The following ZFYVE19 variants were observed in gnomAD, a reference collection of about 807,000 sequenced individuals.
ZFYVE19 encodes abscission/NoCut checkpoint regulator.
Under a neutral mutation model 62.8 loss-of-function variants are expected in ZFYVE19, and 49 were observed. The observed-to-expected ratio is 0.78, with a 90% CI of 0.62 to 0.99. ZFYVE19 has a LOEUF of 0.99. Among genes scored for constraint, ZFYVE19 ranks in the 50% least tolerant of loss-of-function variants. The pLI, the probability that ZFYVE19 is intolerant of heterozygous loss-of-function variation, is 0.00. For synonymous variants in ZFYVE19, 242 were observed against 234.3 expected (o/e 1.03, Z -0.30); for missense variants, 630 against 601.9 (o/e 1.05, Z -0.49).
intron 6 of ZFYVE19, 184 bp downstream of exon 6, chr15:40,810,941 G>T: frequency 1.4e-6 from 1 of 693,454 alleles, no homozygotes; most frequent in Non-Finnish European, 2.3e-6. Flanking sequence ...AAGTGCACGG[G>T]CTTTAGAATC....
chr15:40,807,699 T>TGTGGG lies in ZFYVE19; in HGVS notation c.112_116dup (p.Arg48LysfsTer63), dbSNP rs1890297110. 7.2e-7 allele frequency: 1 copy of TGTGGG among 1,383,324 alleles called. No homozygotes were observed. Among genetic ancestry groups the TGTGGG allele is most frequent in the Non-Finnish European group, 9.9e-7 (1 of 1,009,500 alleles). The allele number at this position is 1,383,324 out of a possible 1,614,324, so 85.7% of individuals were successfully genotyped here. A position where few individuals can be genotyped will look rare whatever the true frequency, so the allele number is the denominator to read the frequency against. On this transcript the variant is annotated frameshift_variant, in exon 1 of 11. Transcript: ENST00000355341. LOFTEE classifies it high-confidence loss of function. Reference sequence around the variant, plus strand: ...CGCGGCGGGACAGTGCCAGTGGGCGTGTGGGGCGGGGCAGGGCAGGGAAGG... The same window carrying TGTGGG: ...CGCGGCGGGACAGTGCCAGTGGGCGTGTGGGGTGGGGCGGGGCAGGGCAGGGAAGG...
rs752625259 is a variant in ZFYVE19 at position 40,814,187 on chromosome 15, A to C, written c.1377A>C (p.Thr459=). 2 of 1,614,212 alleles carry C rather than the reference A, an allele frequency of 1.2e-6. No individual in the cohort carries two copies. ...HDAFELKEHQ[T]SAYSPPRAGQ... Reference sequence around the variant, plus strand: ...CCTTTGAGCTTAAAGAGCACCAGACATCTGCCTACTCTCCTCCACGTGCAG... The same window carrying C: ...CCTTTGAGCTTAAAGAGCACCAGACCTCTGCCTACTCTCCTCCACGTGCAG... Residue 459 remains threonine (T), a synonymous_variant, in exon 11 of 11, where the codon ACA becomes ACC. Transcript: ENST00000355341.
At chr15:40,813,051 G>A in intron 7 of ZFYVE19, 149 bp downstream of exon 7, 1 of 934,506 alleles carries the variant, frequency 1.1e-6, no homozygotes, top group Non-Finnish European at 1.6e-6. Flanking sequence ...AGCAGTGGGT[G>A]AGGAGTCAGG....
Position 40,807,671 on chromosome 15 carries a change from G to C in ZFYVE19, c.82G>C (p.Gly28Arg), listed in dbSNP as rs1414666081. The C allele has an allele frequency of 1.2e-6, 2 of 1,611,156 alleles. No homozygotes were observed. Among genetic ancestry groups the C allele is most frequent in the Non-Finnish European group, 1.7e-6 (2 of 1,179,382 alleles). Residue 28 changes from glycine to arginine, a missense_variant, in exon 1 of 11, where the codon GGT (glycine) becomes CGT (arginine). By Grantham distance (125) the Gly-to-Arg change is moderately radical (BLOSUM62 -2). Coordinates refer to ENST00000355341, the MANE Select transcript of ZFYVE19 (RefSeq NM_001077268.2). ...CRRASGFPAL[G>R]RGGTVPVGVW... ...GAGAGCGTCCGGATTCCCTGCTCTAGGTCGCGGCGGGACAGTGCCAGTGGG... is the reference window on the plus strand; with the variant it reads ...GAGAGCGTCCGGATTCCCTGCTCTACGTCGCGGCGGGACAGTGCCAGTGGG...
At position 40,807,213 on chromosome 15, in the gene ZFYVE19, T is replaced by C; in HGVS notation, c.-377T>C. 6.6e-7 allele frequency: 1 copy of C among 1,520,974 alleles called. No homozygotes were observed. Among genetic ancestry groups the C allele is most frequent in the Non-Finnish European group, 8.8e-7 (1 of 1,134,286 alleles). 94.2% of individuals were successfully genotyped at this position (1,520,974 alleles called of 1,614,324 possible). On this transcript the variant is annotated 5_prime_UTR_variant, in exon 1 of 11. Transcript: ENST00000355341. ...AGGCCCTCGGACCGTCCAGGAAATGTCTGGGAGCCCGCCTGCGGAGGGCAT... is the reference window on the plus strand; with the variant it reads ...AGGCCCTCGGACCGTCCAGGAAATGCCTGGGAGCCCGCCTGCGGAGGGCAT...
At chr15:40,807,937 C>A in intron 1 of ZFYVE19, 69 bp downstream of exon 1, 1 of 1,539,062 alleles carries the variant, frequency 6.5e-7, no homozygotes, top group South Asian at 1.2e-5. Context: ...GACTTAACGT[C>A]CAAAGACTTG....
chr15:40,812,677 C>G (rs1890532899), intron 6 of ZFYVE19, 22 bp from the exon 7 acceptor site: 6 of 1,599,568 alleles, frequency 3.8e-6, no homozygotes, highest in Non-Finnish European at 4.2e-6. Context: ...CTCGGCCTTG[C>G]TGATGGCATT....
chr15:40,812,572 A>AGAAG (rs1447696985), intron 6 of ZFYVE19, 127 bp from the exon 7 acceptor site: 1 of 604,760 alleles, frequency 1.7e-6, no homozygotes, highest in African/African-American at 2.4e-5. Context: ...AAAGAAAGAA[A>AGAAG]GAAAGAAAGA....
chr15:40,809,804 C>A (rs1259255740), intron 3 of ZFYVE19, 48 bp from the exon 4 acceptor site: 7 of 1,591,256 alleles, frequency 4.4e-6, no homozygotes, highest in Admixed American at 3.4e-5. Context: ...GGTGCCTTCA[C>A]TCTTCCCCTC....
At position 40,809,579 on chromosome 15, in the gene ZFYVE19, C is replaced by G. The variant is rs898312881; in HGVS notation, c.452+121C>G. ...CAGAATCAGGAGAATTCTCTCCTCT[C>G]TGGCTCCTGACTGCCCTCTTGGGCT... On this transcript the variant is annotated intron_variant, in intron 3 of 10. Coordinates refer to ENST00000355341, the MANE Select transcript of ZFYVE19 (RefSeq NM_001077268.2). The G allele has an allele frequency of 2.3e-6, 3 of 1,293,156 alleles. No homozygotes were observed. The African/African-American group carries it at 4.4e-5, about 19-fold the overall frequency. 80.1% of individuals were successfully genotyped at this position (1,293,156 alleles called of 1,614,324 possible).
Position 40,814,011 on chromosome 15 carries a change from G to A in ZFYVE19, c.1278G>A (p.Glu426=). The A allele has an allele frequency of 6.2e-7, 1 of 1,614,000 alleles. No individual in the cohort carries two copies. The highest frequency in any genetic ancestry group is 8.5e-7 in the Non-Finnish European group (1 of 1,179,956). ...EELPWCCICN[E]DATLRCAGCD... Reference sequence around the variant, plus strand: ...TCCCCTGGTGCTGCATCTGCAATGAGGATGCCACCCTACGCTGCGCTGGCT... The same window carrying A: ...TCCCCTGGTGCTGCATCTGCAATGAAGATGCCACCCTACGCTGCGCTGGCT... Residue 426 remains glutamate, a synonymous_variant, in exon 10 of 11, where the codon GAG becomes GAA. Transcript: ENST00000355341.
chr15:40,812,713 A>G lies in ZFYVE19; in HGVS notation c.841A>G (p.Asn281Asp). The change falls in exon 7 of 11, where the codon AAT becomes GAT. Residue 281 changes from asparagine to aspartate, a missense_variant. Coordinates refer to ENST00000355341, the MANE Select transcript of ZFYVE19 (RefSeq NM_001077268.2). ...KGGGPAASLQ[N>D]DLNQGGPGST... ...ACCCCTTCCAGCTGCCTCTCTCCAG[A>G]ATGATCTCAACCAGGGTGGCCCAGG... 6.2e-7 allele frequency: 1 copy of G among 1,607,732 alleles called. No individual in the cohort carries two copies. The highest frequency in any genetic ancestry group is 8.5e-7 in the Non-Finnish European group (1 of 1,179,950).
chr15:40,809,513 T>G lies in ZFYVE19; in HGVS notation c.452+55T>G, dbSNP rs376249862. On this transcript the variant is annotated intron_variant, in intron 3 of 10. Coordinates refer to ENST00000355341, the MANE Select transcript of ZFYVE19 (RefSeq NM_001077268.2). ...CATTGGGGAAAGGATAAGGGAGCCA[T>G]AGGGAAAGACCCTGCCCCCATCTTC... is the stretch of plus-strand genomic sequence containing the variant. 4.4e-6 allele frequency: 7 copies of G among 1,592,328 alleles called. No homozygotes were observed. In the African/African-American group the frequency reaches 9.4e-5, roughly 21 times the overall value.
At chr15:40,810,869 T>C in intron 6 of ZFYVE19, 112 bp downstream of exon 6, 1 of 1,359,186 alleles carries the variant, frequency 7.4e-7, no homozygotes, top group South Asian at 1.4e-5. Context: ...GTGATCAACG[T>C]TATAAGAGTT....
At position 40,814,275 on chromosome 15, in the gene ZFYVE19, AT is replaced by A; in HGVS notation, c.*52del. ...GGCAGTCCCACAGGCAGCGGCACCC[AT>A]TTCTGGGCCCAGCCACAGGACGTCC... is the stretch of plus-strand genomic sequence containing the variant. On this transcript the variant is annotated 3_prime_UTR_variant, in exon 11 of 11. Coordinates refer to ENST00000355341, the MANE Select transcript of ZFYVE19 (RefSeq NM_001077268.2). The A allele has an allele frequency of 6.2e-7, 1 of 1,606,042 alleles. No homozygotes were observed. The highest frequency in any genetic ancestry group is 8.5e-7 in the Non-Finnish European group (1 of 1,176,166).
rs1163217108 is a variant in ZFYVE19, at chr15:40,813,319, C to G, written c.1031-19C>G. ...ACTCTCACTCCCCCATCCCCTGTTCCCATGTCTCCCTCTTCAAGTGACCCT... is the reference window on the plus strand; with the variant it reads ...ACTCTCACTCCCCCATCCCCTGTTCGCATGTCTCCCTCTTCAAGTGACCCT... On this transcript the variant is annotated intron_variant, in intron 7 of 10. Coordinates refer to ENST00000355341, the MANE Select transcript of ZFYVE19 (RefSeq NM_001077268.2). 6.2e-7 allele frequency: 1 copy of G among 1,612,150 alleles called. No individual in the cohort carries two copies. The highest frequency in any genetic ancestry group is 8.5e-7 in the Non-Finnish European group (1 of 1,178,806).
At chr15:40,809,719 G>A (rs954943843) in intron 3 of ZFYVE19, 133 bp from the exon 4 acceptor site, 39 of 1,033,198 alleles carry the variant, frequency 3.8e-5, no homozygotes, top group Middle Eastern at 2.2e-4. Flanking sequence ...ATGAGTGAGG[G>A]GCACAGCAGA....
chr15:40,814,309 G>C lies in ZFYVE19; in HGVS notation c.*83G>C, dbSNP rs1890604420. On this transcript the variant is annotated 3_prime_UTR_variant, in exon 11 of 11. Coordinates refer to ENST00000355341, the MANE Select transcript of ZFYVE19 (RefSeq NM_001077268.2). ...CCCAGCCACAGGACGTCCGATGGGA[G>C]AGCTTGTCTGGCTCTACTGATGATG... 11 of 1,493,548 alleles carry C rather than the reference G, an allele frequency of 7.4e-6. No homozygotes were observed. Among genetic ancestry groups the C allele is most frequent in the Non-Finnish European group, 1.0e-5 (11 of 1,090,832 alleles). The allele number at this position is 1,493,548 out of a possible 1,614,324, so 92.5% of individuals were successfully genotyped here. A position where few individuals can be genotyped will look rare whatever the true frequency, so the allele number is the denominator to read the frequency against.
chr15:40,809,980 G>A lies in ZFYVE19; in HGVS notation c.571+10G>A. 6.2e-7 allele frequency: 1 copy of A among 1,614,186 alleles called. No homozygotes were observed. The highest frequency in any genetic ancestry group is 8.5e-7 in the Non-Finnish European group (1 of 1,180,034). On this transcript the variant is annotated intron_variant, in intron 4 of 10. Transcript: ENST00000355341. ...CAGGAGAACAAGCCCAGTGAGCAGGGGCAGATGGGGTTGCCTAGAGGACAC... is the reference window on the plus strand; with the variant it reads ...CAGGAGAACAAGCCCAGTGAGCAGGAGCAGATGGGGTTGCCTAGAGGACAC...
Sources: allele counts gnomAD v4.1 joint callset, GRCh38; gene constraint gnomAD v4.1.1; transcripts MANE v1.5; gene names NCBI Gene and HGNC (gene_info 2026-07-23, HGNC 2026-07-21).